RBM25: variants seen among roughly 807,000 people sequenced by gnomAD.
RBM25 encodes RNA-binding protein 25.
In RBM25, 19 loss-of-function variants were observed where a neutral mutation model predicts 120.7. The ratio of observed to expected loss-of-function variants is 0.16; its 90% CI spans 0.11 to 0.23. The LOEUF is 0.23. Among genes scored for constraint, RBM25 ranks in the 10% least tolerant of loss-of-function variants. The pLI is 1.00. For missense variants in RBM25, 605 were observed against 1,041.5 expected (o/e 0.58, Z 5.77); for synonymous variants, 390 against 326.7 (o/e 1.19, Z -2.09).
At position 73,090,111 on chromosome 14, in the gene RBM25, C is replaced by T. The variant is rs560325625; in HGVS notation, c.543+1950C>T. Among the ~76,000 whole-genome samples, 4 of 148,932 alleles carry T rather than the reference C, an allele frequency of 2.7e-5. No individual in the cohort carries two copies. In the South Asian group the frequency reaches 8.7e-4, roughly 32 times the overall value. ...TGTTGCCCAGACTGGAGTGCAGTGG[C>T]GAAATCTTGGCTCACTGCAACCTCC... is the stretch of plus-strand genomic sequence containing the variant. On this transcript the variant is annotated intron_variant, in intron 6 of 18. Coordinates refer to ENST00000261973, the MANE Select transcript of RBM25 (RefSeq NM_021239.3).
intron 4 of RBM25, among the ~76,000 whole-genome samples, chr14:73,082,202 G>A (rs1256465727): frequency 6.6e-6 from 1 of 151,986 alleles, no homozygotes; most frequent in African/African-American, 2.4e-5. Flanking sequence ...TTAATGCCAT[G>A]TTTCAAGTTT....
chr14:73,105,513 C>CT (rs1239316425), intron 10 of RBM25, among the ~76,000 whole-genome samples: 7 of 152,158 alleles, frequency 4.6e-5, no homozygotes, highest in Non-Finnish European at 8.8e-5. Context: ...TTAAGTTTTC[C>CT]TTTTTTCTGT....
intron 14 of RBM25, 59 bp from the exon 15 acceptor site, chr14:73,110,772 C>T: frequency 1.3e-6 from 2 of 1,532,160 alleles, no homozygotes; most frequent in Non-Finnish European, 1.7e-6. Flanking sequence ...TAATGTAAAA[C>T]AAAAATCAAG....
In RBM25 at chr14:73,063,517, A is replaced by T. The variant is rs977812581; in HGVS notation, c.-16+4812A>T. 3.3e-5 allele frequency among the ~76,000 whole-genome samples: 5 copies of T among 151,426 alleles called. 1 individual carries two copies. Among genetic ancestry groups the T allele is most frequent in the Non-Finnish European group, 7.4e-5 (5 of 67,606 alleles). On this transcript the variant is annotated intron_variant, in intron 1 of 18. Coordinates refer to ENST00000261973, the MANE Select transcript of RBM25 (RefSeq NM_021239.3). ...AAATGTGAGGTACTTTCAATATTTT[A>T]AAAAATGCTATGGAAATGATTTCAG... is the stretch of plus-strand genomic sequence containing the variant.
chr14:73,071,787 C>T, intron 2 of RBM25, 40 bp downstream of exon 2: 2 of 1,488,988 alleles, frequency 1.3e-6, no homozygotes, highest in Non-Finnish European at 1.9e-6. Context: ...TAAACTTGTA[C>T]TTTTGTCTTT....
intron 7 of RBM25, among the ~76,000 whole-genome samples, chr14:73,098,505 G>A (rs1047876079): frequency 2.0e-5 from 3 of 152,088 alleles, no homozygotes; most frequent in African/African-American, 7.2e-5. Flanking sequence ...AGTTATGAAT[G>A]GATGGTTACA....
chr14:73,086,183 C>G (rs958390907), intron 5 of RBM25, among the ~76,000 whole-genome samples: 1 of 151,806 alleles, frequency 6.6e-6, no homozygotes, highest in Non-Finnish European at 1.5e-5. Flanking sequence ...TGTGGTGGCT[C>G]GAGCTTGTAA....
chr14:73,085,752 G>A (rs954324110), intron 5 of RBM25, among the ~76,000 whole-genome samples: 2 of 152,070 alleles, frequency 1.3e-5, no homozygotes, highest in African/African-American at 4.8e-5. Context: ...TGGCATAGAG[G>A]CATATTTAAT....
intron 2 of RBM25, 65 bp downstream of exon 2, chr14:73,071,812 A>C: frequency 7.6e-7 from 1 of 1,311,964 alleles, no homozygotes; most frequent in Admixed American, 1.7e-5. Context: ...TACTAACTTC[A>C]GGAAAATGTT....
At chr14:73,071,585 CG>C in intron 1 of RBM25, 41 bp from the exon 2 acceptor site, 2 of 1,352,976 alleles carry the variant, frequency 1.5e-6, no homozygotes, top group Non-Finnish European at 2.1e-6. Flanking sequence ...AAAATTGTGA[CG>C]TTTTCAAATA....
rs1270322166 is a variant in RBM25, at chr14:73,122,800, T to TG, written c.*2995_*2996insG. ...CAGCGCTGGGGTGGCGCCGCAGGCT[T>TG]TGCATTTCTGGACAGCTCCCAGCTA... is the stretch of plus-strand genomic sequence containing the variant. On this transcript the variant is annotated 3_prime_UTR_variant, in exon 19 of 19. Transcript: ENST00000261973. 6.6e-6 allele frequency: 1 copy of TG among 152,158 alleles called. No homozygotes were observed. Among genetic ancestry groups the TG allele is most frequent in the African/African-American group, 2.4e-5 (1 of 41,426 alleles). The allele number at this position is 152,158 out of a possible 1,614,324, so 9.4% of individuals were successfully genotyped here.
At chr14:73,094,944 C>T (rs527971328) in intron 6 of RBM25, among the ~76,000 whole-genome samples, 2 of 152,000 alleles carry the variant, frequency 1.3e-5, no homozygotes, top group Admixed American at 6.6e-5. Context: ...GCAGTCTCCA[C>T]CTCCTGGGTT....
At chr14:73,106,736 G>A (rs772105542) in intron 12 of RBM25, among the ~76,000 whole-genome samples, 5 of 151,594 alleles carry the variant, frequency 3.3e-5, no homozygotes, top group African/African-American at 9.7e-5. Flanking sequence ...AAATTTCTGC[G>A]TTTCTTAAAA....
intron 2 of RBM25, among the ~76,000 whole-genome samples, chr14:73,072,373 C>T (rs1416169694): frequency 1.3e-5 from 2 of 152,066 alleles, no homozygotes; most frequent in African/African-American, 4.8e-5. Flanking sequence ...TTCATATACT[C>T]CCATAACTGC....
chr14:73,064,841 A>G (rs1188181315), intron 1 of RBM25: 1 of 151,480 alleles, frequency 6.6e-6, no homozygotes, highest in Non-Finnish European at 1.5e-5. Context: ...AAGTGAATGG[A>G]ATGGGTATAT....
intron 7 of RBM25, among the ~76,000 whole-genome samples, chr14:73,098,434 C>T (rs1400707353): frequency 1.3e-5 from 2 of 151,906 alleles, no homozygotes; most frequent in South Asian, 2.1e-4. Flanking sequence ...GCTGGCTCAA[C>T]GTGTTTTATA....
chr14:73,091,566 T>C (rs889931294), intron 6 of RBM25, among the ~76,000 whole-genome samples: 3 of 152,086 alleles, frequency 2.0e-5, no homozygotes, highest in Non-Finnish European at 4.4e-5. Context: ...TTAGATCTGT[T>C]GGTCTTCAGG....
At chr14:73,098,088 C>T (rs1895986909) in intron 7 of RBM25, among the ~76,000 whole-genome samples, 1 of 151,980 alleles carries the variant, frequency 6.6e-6, no homozygotes, top group African/African-American at 2.4e-5. Context: ...AGAGCGAGAC[C>T]CTTCTATAAA....
intron 9 of RBM25, chr14:73,100,071 A>T (rs1376067905): frequency 6.3e-6 from 3 of 479,474 alleles, no homozygotes; most frequent in African/African-American, 6.0e-5. Flanking sequence ...GCAGGATAAC[A>T]TACACTGTAG....
Sources: allele counts gnomAD v4.1 joint callset (sites outside exome capture counted in the v4.1 genomes callset), GRCh38; gene constraint gnomAD v4.1.1; transcripts MANE v1.5; gene names NCBI Gene and HGNC (gene_info 2026-07-23, HGNC 2026-07-21).